The following SRR variants were observed in gnomAD, a reference collection of about 807,000 sequenced individuals.
SRR encodes D-serine ammonia-lyase.
A neutral mutation model predicts 32.7 loss-of-function variants in SRR; 19 were observed. That is an observed-to-expected ratio of 0.58 (90% CI 0.40 to 0.85). SRR has a LOEUF of 0.85. Ranked by LOEUF, SRR falls within the 40% of genes least tolerant of loss-of-function variation. The pLI is 0.00. For synonymous variants in SRR, 142 were observed against 140.9 expected (o/e 1.01, Z -0.06); for missense variants, 373 against 404.7 (o/e 0.92, Z 0.67).
intron 1 of SRR, among the ~76,000 whole-genome samples, chr17:2,305,126 A>G: frequency 6.6e-6 from 1 of 152,252 alleles, no homozygotes; most frequent in East Asian, 1.9e-4. Flanking sequence ...GAAGAAAGTC[A>G]GTAGATGATG....
In SRR at chr17:2,303,992, T is replaced by G; in HGVS notation, c.-30T>G. ...CGGGGAGGCGCGCGGAGGCTGGAGC[T>G]GGAGGCGCGGCGCCGGTGAGCTGAG... On this transcript the variant is annotated 5_prime_UTR_variant, in exon 1 of 8. Coordinates refer to ENST00000344595, the MANE Select transcript of SRR (RefSeq NM_021947.3). The G allele has an allele frequency of 3.2e-6, 1 of 314,104 alleles. No individual in the cohort carries two copies. 19.5% of individuals were successfully genotyped at this position (314,104 alleles called of 1,614,324 possible).
intron 1 of SRR, chr17:2,306,722 TAAAAC>T (rs1001789077): frequency 4.2e-5 from 23 of 549,748 alleles, no homozygotes; most frequent in East Asian, 1.3e-4. Flanking sequence ...GTCTCAAAAA[TAAAAC>T]AAAACAAACA....
chr17:2,315,848 A>T, intron 2 of SRR, 120 bp downstream of exon 2: 1 of 1,002,750 alleles, frequency 1.0e-6, no homozygotes. Context: ...ATACAGCTGG[A>T]AAAAAGGTTA....
Position 2,315,675 on chromosome 17 carries a change from G to C in SRR, c.115G>C (p.Gly39Arg). The C allele has an allele frequency of 6.2e-7, 1 of 1,613,934 alleles. No individual in the cohort carries two copies. Among genetic ancestry groups the C allele is most frequent in the Non-Finnish European group, 8.5e-7 (1 of 1,179,942 alleles). Reference protein sequence around the residue: ...LTSSILNQLTGRNLFFKCELF... With the variant: ...LTSSILNQLTRRNLFFKCELF... ...AAGCTCCATTTTGAATCAACTAACA[G>C]GGCGCAATCTTTTCTTCAAATGTGA... The change falls in exon 2 of 8, where the codon GGG (glycine) becomes CGG (arginine). Residue 39 changes from glycine to arginine, a missense_variant. Transcript: ENST00000344595.
At chr17:2,303,621 G>A, upstream of SRR, 1 of 1,446,240 alleles carries the variant, frequency 6.9e-7, no homozygotes, top group Non-Finnish European at 9.1e-7. Flanking sequence ...GGAGCTGGGC[G>A]GCGCGACTCA....
intron 1 of SRR, among the ~76,000 whole-genome samples, chr17:2,313,204 T>G (rs373493862): frequency 1.4e-5 from 2 of 142,222 alleles, no homozygotes; most frequent in South Asian, 4.6e-4. Context: ...CTGAGCCAGG[T>G]GGATTGCCTG....
chr17:2,307,522 G>T (rs1202666052), intron 1 of SRR: 11 of 1,294,104 alleles, frequency 8.5e-6, no homozygotes, highest in Non-Finnish European at 1.2e-5. Context: ...AGCAATTTTG[G>T]AGGTGGAAGC....
chr17:2,307,961 G>C (rs2075404500), intron 1 of SRR, among the ~76,000 whole-genome samples: 1 of 151,208 alleles, frequency 6.6e-6, no homozygotes, highest in Non-Finnish European at 1.5e-5. Context: ...TTCCAACAAA[G>C]GGTTTTAATG....
chr17:2,321,731 C>A, intron 6 of SRR, 115 bp downstream of exon 6: 2 of 919,956 alleles, frequency 2.2e-6, no homozygotes, highest in Non-Finnish European at 3.4e-6. Context: ...TCCCCTTATT[C>A]CTTTGGGACT....
At chr17:2,317,249 C>G (rs762606371) in intron 2 of SRR, among the ~76,000 whole-genome samples, 2 of 147,566 alleles carry the variant, frequency 1.4e-5, no homozygotes, top group Non-Finnish European at 3.0e-5. Context: ...CGGTGGCTCA[C>G]GCCTGTAATC....
chr17:2,307,157 T>G, intron 1 of SRR: 1 of 1,328,346 alleles, frequency 7.5e-7, no homozygotes, highest in East Asian at 2.3e-5. Flanking sequence ...AAAACTGAAG[T>G]GATTGAAATC....
At chr17:2,313,427 A>T (rs968872040) in intron 1 of SRR, among the ~76,000 whole-genome samples, 2 of 127,518 alleles carry the variant, frequency 1.6e-5, no homozygotes, top group South Asian at 2.5e-4. Context: ...AGACTCTCTC[A>T]AAAAAAAAAA....
At chr17:2,315,307 G>T (rs570393442) in intron 1 of SRR, 3 of 309,382 alleles carry the variant, frequency 9.7e-6, no homozygotes, top group Non-Finnish European at 1.2e-5. Context: ...GAGATGGGTG[G>T]TGTGGGTGGG....
In SRR at chr17:2,323,903, G is replaced by A. The variant is rs754581800; in HGVS notation, c.*30G>A. The A allele has an allele frequency of 8.8e-6, 14 of 1,593,354 alleles. No individual in the cohort carries two copies. Among genetic ancestry groups the A allele is most frequent in the Non-Finnish European group, 1.2e-5 (14 of 1,162,710 alleles). ...CAGAAAAGGAAATGGTGGGAATTCA[G>A]TGTCTTTAGATACTGAAGACATTTT... On this transcript the variant is annotated 3_prime_UTR_variant, in exon 8 of 8. Coordinates refer to ENST00000344595, the MANE Select transcript of SRR (RefSeq NM_021947.3).
At chr17:2,307,525 G>A in intron 1 of SRR, 3 of 1,277,482 alleles carry the variant, frequency 2.3e-6, no homozygotes, top group South Asian at 1.2e-5. Flanking sequence ...AATTTTGGAG[G>A]TGGAAGCTAC....
At chr17:2,317,799 C>T in intron 2 of SRR, 71 bp from the exon 3 acceptor site, 6 of 1,524,230 alleles carry the variant, frequency 3.9e-6, no homozygotes, top group Non-Finnish European at 5.4e-6. Flanking sequence ...GATAGAAAAT[C>T]TAGAAAAGCT....
At chr17:2,306,661 G>A in intron 1 of SRR, 3 of 399,966 alleles carry the variant, frequency 7.5e-6, no homozygotes, top group Non-Finnish European at 9.2e-6. Context: ...AGGCTGCAGT[G>A]AGCCGAGATC....
rs1390470426 is a variant in SRR at position 2,315,712 on chromosome 17, A to C, written c.152A>C (p.Lys51Thr). ...NLFFKCELFQ[K>T]TGSFKIRGAL... ...TTCTTCAAATGTGAACTCTTCCAGAAAACAGGATCTTTTAAGGTAACAATC... is the reference window on the plus strand; with the variant it reads ...TTCTTCAAATGTGAACTCTTCCAGACAACAGGATCTTTTAAGGTAACAATC... The change falls in exon 2 of 8, where the codon AAA becomes ACA. Residue 51 changes from lysine (K) to threonine (T), a missense_variant. Lys to Thr is a moderately conservative substitution (Grantham distance 78). Coordinates refer to ENST00000344595, the MANE Select transcript of SRR (RefSeq NM_021947.3). 2 of 1,613,940 alleles carry C rather than the reference A, an allele frequency of 1.2e-6. No individual in the cohort carries two copies. Among genetic ancestry groups the C allele is most frequent in the Admixed American group, 3.3e-5 (2 of 60,004 alleles).
rs1264711916 is a variant in SRR, at chr17:2,307,126, G to T, written c.-5+3109G>T. 10 of 1,161,348 alleles carry T rather than the reference G, an allele frequency of 8.6e-6. No homozygotes were observed. In the East Asian group the frequency reaches 2.3e-4, roughly 27 times the overall value. The allele number at this position is 1,161,348 out of a possible 1,614,324, so 71.9% of individuals were successfully genotyped here. A position where few individuals can be genotyped will look rare whatever the true frequency, so the allele number is the denominator to read the frequency against. On this transcript the variant is annotated intron_variant, in intron 1 of 7. Transcript: ENST00000344595. ...AGACACTGAAGAATATCACCTAAGT[G>T]ATTATTTTGAACAGTATGGAAAAAC...
Sources: gnomAD v4.1 joint callset for allele counts (sites outside exome capture counted in the v4.1 genomes callset) on GRCh38, gnomAD v4.1.1 for gene constraint, MANE v1.5 for transcripts, NCBI Gene and HGNC (gene_info 2026-07-23, HGNC 2026-07-21) for gene names.